Variants in DIP2B observed in about 807,000 individuals in gnomAD.
DIP2B encodes the protein disco-interacting protein 2 homolog B.
DIP2B carries 76 observed loss-of-function variants against 198.0 expected under a neutral mutation model. The ratio of observed to expected loss-of-function variants is 0.38; its 90% CI spans 0.32 to 0.46. DIP2B has a LOEUF of 0.46. DIP2B is among the 20% of genes least tolerant of loss of function. The pLI is 0.99. For synonymous variants in DIP2B, 701 were observed against 739.1 expected (o/e 0.95, Z 0.84); for missense variants, 1,559 against 1,978.4 (o/e 0.79, Z 4.02).
At chr12:50,663,284 G>A (rs920797917) in intron 4 of DIP2B, among the ~76,000 whole-genome samples, 1 of 151,380 alleles carries the variant, frequency 6.6e-6, no homozygotes, top group Non-Finnish European at 1.5e-5. Context: ...AATTAGCCGG[G>A]CGTGGTGGCA....
At chr12:50,593,429 C>T (rs1315942733) in intron 1 of DIP2B, among the ~76,000 whole-genome samples, 1 of 151,656 alleles carries the variant, frequency 6.6e-6, no homozygotes, top group African/African-American at 2.4e-5. Flanking sequence ...CACTTGAACC[C>T]GGGAGGCGGA....
chr12:50,717,376 T>C (rs1382400150), intron 23 of DIP2B, among the ~76,000 whole-genome samples: 1 of 137,768 alleles, frequency 7.3e-6, no homozygotes, highest in Non-Finnish European at 1.6e-5. Context: ...TTTTTTTTTT[T>C]TTTTTTTGAG....
chr12:50,517,640 C>T (rs1203387577), intron 1 of DIP2B, among the ~76,000 whole-genome samples: 1 of 152,176 alleles, frequency 6.6e-6, no homozygotes, highest in Non-Finnish European at 1.5e-5. Flanking sequence ...AAACTCTAAG[C>T]ATCTTTCTTT....
At chr12:50,577,529 G>A (rs960859668) in intron 1 of DIP2B, among the ~76,000 whole-genome samples, 5 of 150,712 alleles carry the variant, frequency 3.3e-5, no homozygotes, top group African/African-American at 7.4e-5. Flanking sequence ...GCGAGACTCC[G>A]TCTAAAAAAT....
intron 1 of DIP2B, among the ~76,000 whole-genome samples, chr12:50,552,961 G>A (rs1276517035): frequency 6.6e-6 from 1 of 151,804 alleles, no homozygotes; most frequent in Non-Finnish European, 1.5e-5. Flanking sequence ...TCAGCCTCCC[G>A]AGTAGCTGGG....
At chr12:50,714,330 T>C in intron 22 of DIP2B, 65 bp from the exon 23 acceptor site, 1 of 1,586,636 alleles carries the variant, frequency 6.3e-7, no homozygotes, top group East Asian at 2.2e-5. Context: ...TAATGGATTA[T>C]ACCAGGAATA....
intron 1 of DIP2B, among the ~76,000 whole-genome samples, chr12:50,593,927 C>A (rs1210399023): frequency 1.0e-5 from 1 of 98,272 alleles, no homozygotes; most frequent in African/African-American, 4.1e-5. Flanking sequence ...CTTTTCCTCT[C>A]TTCTCTTTTC....
At chr12:50,668,734 T>C (rs1359571220) in intron 4 of DIP2B, among the ~76,000 whole-genome samples, 1 of 152,200 alleles carries the variant, frequency 6.6e-6, no homozygotes, top group Non-Finnish European at 1.5e-5. Flanking sequence ...ATAACTTACC[T>C]TGAAAATACT....
chr12:50,653,853 A>G (rs1351744857), intron 3 of DIP2B, among the ~76,000 whole-genome samples: 1 of 150,934 alleles, frequency 6.6e-6, no homozygotes, highest in Non-Finnish European at 1.5e-5. Context: ...TGTAATCTTT[A>G]TTATTTCTTT....
chr12:50,646,357 G>A (rs1178858690), intron 3 of DIP2B, among the ~76,000 whole-genome samples: 2 of 151,482 alleles, frequency 1.3e-5, no homozygotes, highest in Admixed American at 6.6e-5. Context: ...TCCTGACCTC[G>A]TGATCCGCCT....
intron 3 of DIP2B, chr12:50,657,107 G>T (rs1938567327): frequency 6.6e-6 from 1 of 151,202 alleles, no homozygotes; most frequent in African/African-American, 2.4e-5. Flanking sequence ...AAAATGGCAG[G>T]TGTGGTGGCC....
chr12:50,579,841 C>T (rs571462944), intron 1 of DIP2B, among the ~76,000 whole-genome samples: 140 of 151,032 alleles, frequency 9.3e-4, no homozygotes, highest in Middle Eastern at 3.4e-3. Context: ...TTCTCACTTC[C>T]CTTATTTCTT....
intron 1 of DIP2B, among the ~76,000 whole-genome samples, chr12:50,564,094 T>G (rs1164963931): frequency 6.6e-6 from 1 of 151,590 alleles, no homozygotes; most frequent in African/African-American, 2.4e-5. Flanking sequence ...GTATGCAGTT[T>G]TGTAAATATG....
chr12:50,685,392 A>G (rs946079313), intron 10 of DIP2B, among the ~76,000 whole-genome samples: 1 of 152,232 alleles, frequency 6.6e-6, no homozygotes, highest in African/African-American at 2.4e-5. Flanking sequence ...TGGTATATCC[A>G]TCCATTGACT....
At chr12:50,570,273 A>G (rs1380312856) in intron 1 of DIP2B, among the ~76,000 whole-genome samples, 1 of 152,138 alleles carries the variant, frequency 6.6e-6, no homozygotes, top group African/African-American at 2.4e-5. Flanking sequence ...TGTATATTCT[A>G]TATATGTATG....
chr12:50,665,728 A>G (rs1592117577), intron 4 of DIP2B, among the ~76,000 whole-genome samples: 1 of 151,934 alleles, frequency 6.6e-6, no homozygotes, highest in East Asian at 1.9e-4. Context: ...GTGAACCATA[A>G]TCACAGCACT....
intron 1 of DIP2B, among the ~76,000 whole-genome samples, chr12:50,589,984 T>TTCTC (rs138570603): frequency 0.063 from 9,458 of 150,636 alleles, 686 homozygotes; most frequent in East Asian, 0.36. Context: ...CATTTCCTGT[T>TTCTC]TCTCTCTCTC....
intron 1 of DIP2B, among the ~76,000 whole-genome samples, chr12:50,543,721 G>A (rs1351050387): frequency 2.6e-5 from 4 of 151,728 alleles, no homozygotes; most frequent in Non-Finnish European, 4.4e-5. Flanking sequence ...CCAGGAGTTC[G>A]AGACCAGCCT....
intron 5 of DIP2B, among the ~76,000 whole-genome samples, chr12:50,672,800 C>T (rs1430818195): frequency 6.6e-6 from 1 of 152,166 alleles, no homozygotes; most frequent in African/African-American, 2.4e-5. Flanking sequence ...ATTTTACTTA[C>T]ATATGTAAGG....
Sources: allele counts gnomAD v4.1 joint callset (sites outside exome capture counted in the v4.1 genomes callset), GRCh38; gene constraint gnomAD v4.1.1; transcripts MANE v1.5; gene names NCBI Gene and HGNC (gene_info 2026-07-23, HGNC 2026-07-21).